RBMS1: variants seen among roughly 807,000 people sequenced by gnomAD.
RBMS1 encodes the protein RNA binding motif single stranded interacting protein 1, also known as RNA-binding motif, single-stranded-interacting protein 1.
RBMS1 carries 17 observed loss-of-function variants against 62.3 expected under a neutral mutation model. The observed-to-expected ratio is 0.27, with a 90% CI of 0.19 to 0.41. The LOEUF is 0.41. RBMS1 is among the 10% of genes least tolerant of loss of function. RBMS1 has a pLI of 1.00. For synonymous variants in RBMS1, 172 were observed against 170.0 expected, an observed-to-expected ratio of 1.01 and a Z score of -0.09; for missense variants, 334 against 504.5, an observed-to-expected ratio of 0.66 and a Z score of 3.24.
Position 160,381,439 on chromosome 2 carries a change from C to T in RBMS1, c.76-14048G>A, listed in dbSNP as rs191840173. 2.0e-5 allele frequency among the ~76,000 whole-genome samples: 3 copies of T among 152,312 alleles called. No homozygotes were observed. The East Asian group carries it at 5.8e-4, about 29-fold the overall frequency. On this transcript the variant is annotated intron_variant, in intron 1 of 13. Transcript: ENST00000348849. ...TTTTTCCCCAGAGAACTAAGTGTTA[C>T]GCATAATACTAATTGCTAACATTAT...
chr2:160,411,305 G>A (rs551591546), intron 1 of RBMS1, among the ~76,000 whole-genome samples: 1 of 152,294 alleles, frequency 6.6e-6, no homozygotes, highest in African/African-American at 2.4e-5. Flanking sequence ...GCCAGGGGTA[G>A]AGTTGAGGCC....
intron 2 of RBMS1, among the ~76,000 whole-genome samples, chr2:160,364,074 A>G (rs1693269634): frequency 6.6e-6 from 1 of 152,216 alleles, no homozygotes; most frequent in African/African-American, 2.4e-5. Flanking sequence ...TGAGAGAAAT[A>G]TTGCATTGGC....
At chr2:160,282,021 G>A in intron 9 of RBMS1, 1 of 329,950 alleles carries the variant, frequency 3.0e-6, no homozygotes, top group South Asian at 2.5e-5. Context: ...ATAGATGTGA[G>A]AGTCAGGTTT....
At chr2:160,466,705 A>G (rs1574095358) in intron 1 of RBMS1, among the ~76,000 whole-genome samples, 1 of 152,206 alleles carries the variant, frequency 6.6e-6, no homozygotes, top group Non-Finnish European at 1.5e-5. Flanking sequence ...TTTATTGTGG[A>G]TAAGTAACTT....
At chr2:160,319,611 C>CT (rs1690439976) in intron 2 of RBMS1, among the ~76,000 whole-genome samples, 1 of 152,216 alleles carries the variant, frequency 6.6e-6, no homozygotes, top group African/African-American at 2.4e-5. Flanking sequence ...TTACAGTCTA[C>CT]TTTCCTAGAC....
chr2:160,359,982 G>A (rs963224685), intron 2 of RBMS1, among the ~76,000 whole-genome samples: 4 of 152,112 alleles, frequency 2.6e-5, no homozygotes, highest in African/African-American at 9.7e-5. Flanking sequence ...AGCTACTTGG[G>A]AGGCTGAGGC....
At chr2:160,290,074 G>A (rs11689800) in intron 6 of RBMS1, among the ~76,000 whole-genome samples, 29,063 of 134,782 alleles carry the variant, frequency 0.22, 4,263 homozygotes, top group Admixed American at 0.42. Context: ...GTGTGTGAGC[G>A]TGTTACAAAA....
intron 1 of RBMS1, among the ~76,000 whole-genome samples, chr2:160,471,716 T>TATATATATATATAA (rs371634389): frequency 0.015 from 1,164 of 76,126 alleles, 68 homozygotes; most frequent in African/African-American, 0.018. Flanking sequence ...TATATATATA[T>TATATATATATATAA]AACCTTTCAT....
intron 1 of RBMS1, among the ~76,000 whole-genome samples, chr2:160,484,352 G>A (rs899877363): frequency 4.6e-5 from 7 of 151,550 alleles, no homozygotes; most frequent in African/African-American, 1.7e-4. Flanking sequence ...AAAATTAGCC[G>A]GACGTGGTGG....
At chr2:160,411,886 A>G (rs935962743) in intron 1 of RBMS1, among the ~76,000 whole-genome samples, 6 of 152,206 alleles carry the variant, frequency 3.9e-5, no homozygotes, top group Non-Finnish European at 8.8e-5. Flanking sequence ...TTTGTAAAAA[A>G]CTGTTAAATG....
intron 2 of RBMS1, among the ~76,000 whole-genome samples, chr2:160,341,943 A>G (rs949842425): frequency 6.6e-6 from 1 of 152,138 alleles, no homozygotes. Flanking sequence ...TGATCCTAAA[A>G]CCTAGATGAA....
intron 2 of RBMS1, among the ~76,000 whole-genome samples, chr2:160,338,191 A>G (rs1019037172): frequency 2.6e-5 from 4 of 152,218 alleles, no homozygotes; most frequent in African/African-American, 9.6e-5. Flanking sequence ...CAGATTTTCA[A>G]AAAGTAAAAC....
intron 1 of RBMS1, among the ~76,000 whole-genome samples, chr2:160,401,413 C>T (rs1194851984): frequency 6.6e-6 from 1 of 152,116 alleles, no homozygotes; most frequent in Non-Finnish European, 1.5e-5. Context: ...TTCATTTGCT[C>T]CATTTAATTC....
intron 3 of RBMS1, among the ~76,000 whole-genome samples, chr2:160,316,176 A>G (rs1690210827): frequency 6.6e-6 from 1 of 152,136 alleles, no homozygotes; most frequent in Non-Finnish European, 1.5e-5. Context: ...TAACTTTATC[A>G]TGAGTTAAGT....
chr2:160,439,117 G>A (rs1373918253), intron 1 of RBMS1, among the ~76,000 whole-genome samples: 2 of 149,016 alleles, frequency 1.3e-5, no homozygotes, highest in African/African-American at 2.5e-5. Flanking sequence ...CTCACCTGCC[G>A]GATGGGGCGG....
In RBMS1 at chr2:160,369,187, A is replaced by C. The variant is rs568269176; in HGVS notation, c.76-1796T>G. On this transcript the variant is annotated intron_variant, in intron 1 of 13. Coordinates refer to ENST00000348849, the MANE Select transcript of RBMS1 (RefSeq NM_016836.4). Reference sequence around the variant, plus strand: ...CCCAAAATAAAAGCAGCCTGAGATCATATCCTACCAAATCTATTTGATTCA... The same window carrying C: ...CCCAAAATAAAAGCAGCCTGAGATCCTATCCTACCAAATCTATTTGATTCA... Among the ~76,000 whole-genome samples, 6 of 152,348 alleles carry C rather than the reference A, an allele frequency of 3.9e-5. No homozygotes were observed. In the East Asian group the frequency reaches 1.2e-3, roughly 29 times the overall value.
At chr2:160,375,383 G>A (rs924582542) in intron 1 of RBMS1, among the ~76,000 whole-genome samples, 4 of 152,128 alleles carry the variant, frequency 2.6e-5, no homozygotes, top group African/African-American at 9.7e-5. Context: ...AAATATGTAA[G>A]CTATCCTAAA....
intron 2 of RBMS1, among the ~76,000 whole-genome samples, chr2:160,360,491 G>A (rs1441585061): frequency 6.6e-6 from 1 of 152,164 alleles, no homozygotes; most frequent in African/African-American, 2.4e-5. Flanking sequence ...TAGTCAAGAT[G>A]CTAACAATAT....
At chr2:160,404,291 G>A (rs561393119) in intron 1 of RBMS1, among the ~76,000 whole-genome samples, 1 of 152,264 alleles carries the variant, frequency 6.6e-6, no homozygotes, top group South Asian at 2.1e-4. Flanking sequence ...TGATGCCAGA[G>A]ATCAGTACTC....
Sources: gnomAD v4.1 joint callset for allele counts (sites outside exome capture counted in the v4.1 genomes callset) on GRCh38, gnomAD v4.1.1 for gene constraint, MANE v1.5 for transcripts, NCBI Gene and HGNC (gene_info 2026-07-23, HGNC 2026-07-21) for gene names.